TAF7L: variants seen among roughly 807,000 people sequenced by gnomAD.
TAF7L encodes the protein transcription initiation factor TFIID subunit 7-like.
TAF7L carries 6 observed loss-of-function variants against 30.2 expected under a neutral mutation model. The observed-to-expected ratio is 0.20, with a 90% CI of 0.11 to 0.39. The LOEUF is 0.39. TAF7L is among the 10% of genes least tolerant of loss of function. The probability of loss-of-function intolerance (pLI) is 1.00; values close to 1 mark genes in which losing one functional copy is unlikely to be tolerated. For synonymous variants in TAF7L, 93 were observed against 94.5 expected, an observed-to-expected ratio of 0.98 and a Z score of 0.09; for missense variants, 284 against 277.1, an observed-to-expected ratio of 1.03 and a Z score of -0.18.
chrX:101,286,192 A>AAAAAAAAG, intron 3 of TAF7L, among the ~76,000 whole-genome samples: 1 of 106,283 alleles, frequency 9.4e-6, no homozygotes, highest in African/African-American at 3.5e-5. Context: ...AAAAAAAAAA[A>AAAAAAAAG]AAAGAAAGAA....
Position 101,287,532 on chromosome X carries a change from G to A in TAF7L, c.12C>T (p.Ser4=). ...CAACTTCATCAGGAACTTCATCCTGGCTTTCACTCATGTCTTGATTTTGAG... is the reference window on the plus strand; with the variant it reads ...CAACTTCATCAGGAACTTCATCCTGACTTTCACTCATGTCTTGATTTTGAG... MSE[S]QDEVPDEVEN... is the part of the protein sequence containing the mutation. The change falls in exon 2 of 13, where the codon AGC becomes AGT. Residue 4 remains serine (S), a synonymous_variant. Coordinates refer to ENST00000356784, the MANE Select transcript of TAF7L (RefSeq NM_001168474.2). 2 of 1,207,523 alleles carry A rather than the reference G, an allele frequency of 1.7e-6. No homozygotes were observed. Among genetic ancestry groups the A allele is most frequent in the Non-Finnish European group, 2.2e-6 (2 of 892,769 alleles).
chrX:101,289,156 T>C (rs1924714326), intron 1 of TAF7L, among the ~76,000 whole-genome samples: 1 of 112,297 alleles, frequency 8.9e-6, no homozygotes, highest in Admixed American at 9.5e-5. Flanking sequence ...GATTTTTGTC[T>C]TTTTCTGCCT....
At chrX:101,276,813 C>T (rs1203427841) in intron 9 of TAF7L, among the ~76,000 whole-genome samples, 4 of 109,498 alleles carry the variant, frequency 3.7e-5, no homozygotes, top group Non-Finnish European at 5.7e-5. Context: ...ATCTAAAACC[C>T]CTAAACTGCC....
At chrX:101,286,904 C>G (rs1007010324) in intron 2 of TAF7L, among the ~76,000 whole-genome samples, 8 of 112,156 alleles carry the variant, frequency 7.1e-5, no homozygotes, top group African/African-American at 2.6e-4. Flanking sequence ...CTGCCTCTCA[C>G]TGCTACCCTT....
chrX:101,286,787 C>T lies in TAF7L; in HGVS notation c.67-134G>A. On this transcript the variant is annotated intron_variant, in intron 2 of 12. Coordinates refer to ENST00000356784, the MANE Select transcript of TAF7L (RefSeq NM_001168474.2). ...CAAATGTTACTAACAAGACCATGTACCATGAGATACTGTGCACTGTATAAG... is the reference window on the plus strand; with the variant it reads ...CAAATGTTACTAACAAGACCATGTATCATGAGATACTGTGCACTGTATAAG... 7 of 451,368 alleles carry T rather than the reference C, an allele frequency of 1.6e-5. No individual in the cohort carries two copies. The South Asian group carries it at 2.5e-4, about 16-fold the overall frequency. 37.2% of individuals were successfully genotyped at this position (451,368 alleles called of 1,213,427 possible).
intron 2 of TAF7L, among the ~76,000 whole-genome samples, chrX:101,287,229 T>G (rs1924636366): frequency 9.0e-6 from 1 of 110,892 alleles, no homozygotes; most frequent in Non-Finnish European, 1.9e-5. Context: ...AGTGAATGGG[T>G]CCATCATTGT....
intron 3 of TAF7L, among the ~76,000 whole-genome samples, chrX:101,285,945 G>A (rs1924572131): frequency 9.0e-6 from 1 of 111,536 alleles, no homozygotes; most frequent in Non-Finnish European, 1.9e-5. Context: ...CACTTTGGGA[G>A]GCCAAGGCAG....
intron 1 of TAF7L, among the ~76,000 whole-genome samples, chrX:101,288,431 C>T (rs1374742322): frequency 1.9e-5 from 2 of 107,349 alleles, no homozygotes; most frequent in Non-Finnish European, 3.8e-5. Flanking sequence ...GCCTGAGCCA[C>T]CGCGCCCAGC....
At chrX:101,277,990 G>A in intron 8 of TAF7L, 59 bp downstream of exon 8, 8 of 1,052,325 alleles carry the variant, frequency 7.6e-6, no homozygotes, top group Non-Finnish European at 1.1e-5. Context: ...GTGAGGCTTC[G>A]TCAGCATGTA....
chrX:101,276,334 T>C lies in TAF7L; in HGVS notation c.886A>G (p.Arg296Gly). The C allele has an allele frequency of 8.3e-7, 1 of 1,211,432 alleles. No homozygotes were observed. Among genetic ancestry groups the C allele is most frequent in the South Asian group, 1.8e-5 (1 of 56,942 alleles). Residue 296 changes from arginine (R) to glycine (G), a missense_variant, in exon 10 of 13, where the codon AGG becomes GGG. Arg to Gly is a moderately radical substitution (Grantham distance 125). Transcript: ENST00000356784. ...ATTGAACTGGTACCTTCATTTGCCCTATACTGGCCAGATTCAATAAACTCG... is the reference window on the plus strand; with the variant it reads ...ATTGAACTGGTACCTTCATTTGCCCCATACTGGCCAGATTCAATAAACTCG... ...QAEFIESGQY[R>G]ANEGTSSIVM...
upstream of TAF7L, among the ~76,000 whole-genome samples, chrX:101,292,386 C>T (rs1451712350): frequency 5.0e-5 from 5 of 99,229 alleles, no homozygotes; most frequent in Non-Finnish European, 1.0e-4. Context: ...TTATAGTGAG[C>T]CGAGATCGTG....
chrX:101,292,870 G>A, upstream of TAF7L: 1 of 1,211,717 alleles, frequency 8.3e-7, no homozygotes, highest in Admixed American at 2.2e-5. Context: ...GTCCTCGTCG[G>A]CAGGAATCTG....
chrX:101,280,776 T>C (rs992429099), intron 6 of TAF7L, among the ~76,000 whole-genome samples: 4 of 112,106 alleles, frequency 3.6e-5, no homozygotes, highest in Non-Finnish European at 7.5e-5. Context: ...GGAATACTAC[T>C]CAGCAATAAA....
At chrX:101,287,706 C>G (rs1158674601) in intron 1 of TAF7L, 161 bp from the exon 2 acceptor site, 4 of 373,639 alleles carry the variant, frequency 1.1e-5, no homozygotes, top group African/African-American at 1.0e-4. Flanking sequence ...CCTTATTTGA[C>G]ATAACTTAAT....
intron 9 of TAF7L, among the ~76,000 whole-genome samples, chrX:101,277,113 C>G (rs1924217727): frequency 1.1e-5 from 1 of 89,821 alleles, no homozygotes; most frequent in African/African-American, 4.4e-5. Context: ...GATCGCACCA[C>G]TACACTCCAG....
At chrX:101,280,587 A>G (rs983508991) in intron 6 of TAF7L, among the ~76,000 whole-genome samples, 2 of 111,880 alleles carry the variant, frequency 1.8e-5, no homozygotes, top group Admixed American at 1.9e-4. Flanking sequence ...TACAAAACTA[A>G]ACATGTGACT....
upstream of TAF7L, chrX:101,291,349 G>T (rs900626451): frequency 1.1e-5 from 8 of 731,349 alleles, no homozygotes; most frequent in African/African-American, 2.3e-5. Context: ...GGCTGCCGGC[G>T]CCTGGACAGT....
intron 12 of TAF7L, among the ~76,000 whole-genome samples, chrX:101,270,412 A>G (rs1923931929): frequency 9.0e-6 from 1 of 110,503 alleles, no homozygotes; most frequent in African/African-American, 3.3e-5. Flanking sequence ...CATGATTACA[A>G]CCACTGACTG....
chrX:101,283,429 G>C, intron 4 of TAF7L, 21 bp downstream of exon 4: 1 of 1,204,619 alleles, frequency 8.3e-7, no homozygotes, highest in South Asian at 1.8e-5. Flanking sequence ...TGTGAGGCTA[G>C]TAAAGAAAAC....
Sources: allele counts gnomAD v4.1 joint callset (sites outside exome capture counted in the v4.1 genomes callset), GRCh38; gene constraint gnomAD v4.1.1; transcripts MANE v1.5; gene names NCBI Gene and HGNC (gene_info 2026-07-23, HGNC 2026-07-21).